KCTD15: variants seen among roughly 807,000 people sequenced by gnomAD.
KCTD15 encodes the protein potassium channel tetramerization domain containing 15.
KCTD15 carries 11 observed loss-of-function variants against 27.2 expected under a neutral mutation model. The observed-to-expected ratio is 0.41, with a 90% CI of 0.25 to 0.67. The LOEUF is 0.67. KCTD15 is among the 30% of genes least tolerant of loss of function. The pLI is 0.35. For synonymous variants in KCTD15, 163 were observed against 176.0 expected (o/e 0.93, Z 0.58); for missense variants, 350 against 409.3 (o/e 0.86, Z 1.25).
rs1480821880 is a variant in KCTD15, at chr19:33,815,733, A to G, written c.*2785A>G. On this transcript the variant is annotated 3_prime_UTR_variant, in exon 7 of 7. Coordinates refer to ENST00000683859, the MANE Select transcript of KCTD15 (RefSeq NM_001129994.2). The stretch of plus-strand genomic sequence containing the variant: ...TAAAGCTACTGCTTGACTGTTCCTT[A>G]GAATAAATAAAGGATATTTTATAAA... The G allele has an allele frequency of 6.6e-6, 1 of 151,594 alleles. No individual in the cohort carries two copies. The highest frequency in any genetic ancestry group is 1.5e-5 in the Non-Finnish European group (1 of 67,930). The allele number at this position is 151,594 out of a possible 1,614,324, so 9.4% of individuals were successfully genotyped here.
At chr19:33,803,950 C>T (rs1975638168) in intron 4 of KCTD15, among the ~76,000 whole-genome samples, 2 of 152,208 alleles carry the variant, frequency 1.3e-5, no homozygotes, top group Admixed American at 1.3e-4. Context: ...CTGAGGGTCC[C>T]ACCTGCTGCA....
rs867402667 is a variant in KCTD15, at chr19:33,810,665, A to T, written c.388-582A>T. On this transcript the variant is annotated intron_variant, in intron 5 of 6. Transcript: ENST00000683859. Reference sequence around the variant, plus strand: ...GGGTGACAGAGAGAGTCTGTCTCAAAAAACAAAAACAAAAAAAAAAAACAA... The same window carrying T: ...GGGTGACAGAGAGAGTCTGTCTCAATAAACAAAAACAAAAAAAAAAAACAA... 1.1e-3 allele frequency among the ~76,000 whole-genome samples: 155 copies of T among 141,958 alleles called. 3 individuals are homozygous for T. Among genetic ancestry groups the T allele is most frequent in the South Asian group, 8.1e-3 (37 of 4,558 alleles). 93.1% of individuals were successfully genotyped at this position (141,958 alleles called of 152,430 possible).
chr19:33,811,609 C>T, intron 6 of KCTD15, 57 bp downstream of exon 6: 1 of 1,564,070 alleles, frequency 6.4e-7, no homozygotes, highest in Non-Finnish European at 8.7e-7. Context: ...CGGAGCCCTC[C>T]AGGGGCAGAG....
rs1394944166 is a variant in KCTD15 at position 33,815,519 on chromosome 19, GATT to G, written c.*2574_*2576del. On this transcript the variant is annotated 3_prime_UTR_variant, in exon 7 of 7. Transcript: ENST00000683859. Reference sequence around the variant, plus strand: ...GTAAACCTCAAAACTCATTATTCTTGATTATAAGCAACTGGACAGAACCATGCC... The same window carrying G: ...GTAAACCTCAAAACTCATTATTCTTGATAAGCAACTGGACAGAACCATGCC... The G allele has an allele frequency of 6.6e-6, 1 of 151,950 alleles. No homozygotes were observed. Among genetic ancestry groups the G allele is most frequent in the East Asian group, 1.9e-4 (1 of 5,176 alleles). The allele number at this position is 151,950 out of a possible 1,614,324, so 9.4% of individuals were successfully genotyped here. A position where few individuals can be genotyped will look rare whatever the true frequency, so the allele number is the denominator to read the frequency against.
chr19:33,797,514 G>T, intron 1 of KCTD15: 2 of 386,840 alleles, frequency 5.2e-6, no homozygotes, highest in South Asian at 3.6e-5. Flanking sequence ...AGGAGGGGCT[G>T]TCGCGCTGGT....
chr19:33,800,481 C>T lies in KCTD15; in HGVS notation c.27C>T (p.Ser9=), dbSNP rs763361787. The T allele has an allele frequency of 1.5e-5, 24 of 1,604,858 alleles. No homozygotes were observed. The Admixed American group carries it at 2.2e-4, about 15-fold the overall frequency. Reference sequence around the variant, plus strand: ...TGCCTCACCGCAAGGAGCGGCCGAGCGGGTCCTCGCTTCACACACACGGCA... The same window carrying T: ...TGCCTCACCGCAAGGAGCGGCCGAGTGGGTCCTCGCTTCACACACACGGCA... The part of the protein sequence containing the change: MPHRKERP[S]GSSLHTHGST... Residue 9 remains serine, a synonymous_variant, in exon 3 of 7, where the codon AGC becomes AGT. Transcript: ENST00000683859.
chr19:33,813,483 G>A lies in KCTD15; in HGVS notation c.*535G>A, dbSNP rs1457769820. The A allele has an allele frequency of 2.3e-6, 1 of 438,528 alleles. No homozygotes were observed. The highest frequency in any genetic ancestry group is 4.6e-6 in the Non-Finnish European group (1 of 218,744). 27.2% of individuals were successfully genotyped at this position (438,528 alleles called of 1,614,324 possible). On this transcript the variant is annotated 3_prime_UTR_variant, in exon 7 of 7. Transcript: ENST00000683859. The stretch of plus-strand genomic sequence containing the variant: ...TGCAGCATGGCTGCAGGGTGGACCA[G>A]CTGCCTGGCATTCAGGCCCAGATGC...
At chr19:33,797,299 CGCGCTTGTGG>C (rs1975366095) in intron 1 of KCTD15, 1 of 364,854 alleles carries the variant, frequency 2.7e-6, no homozygotes, top group Non-Finnish European at 5.5e-6. Flanking sequence ...CGCGCGCGCG[CGCGCTTGTGG>C]AGGTCCCCGC....
chr19:33,800,342 G>T, intron 2 of KCTD15, 86 bp from the exon 3 acceptor site: 1 of 1,126,992 alleles, frequency 8.9e-7, no homozygotes, highest in East Asian at 2.6e-5. Flanking sequence ...AGAGCATGCA[G>T]AAAGGACAAT....
In KCTD15 at chr19:33,800,382, A is replaced by T; in HGVS notation, c.-27-46A>T. 2.1e-6 allele frequency: 3 copies of T among 1,441,674 alleles called. No individual in the cohort carries two copies. In the South Asian group the frequency reaches 3.7e-5, roughly 18 times the overall value. The allele number at this position is 1,441,674 out of a possible 1,614,324, so 89.3% of individuals were successfully genotyped here. A position where few individuals can be genotyped will look rare whatever the true frequency, so the allele number is the denominator to read the frequency against. ...AGTGTCTTTGACCCCATGGTACATG[A>T]CTAGGAGGAATAAGCCTTCTCTGGT... On this transcript the variant is annotated intron_variant, in intron 2 of 6. Transcript: ENST00000683859.
chr19:33,795,695 G>A (rs1975298716), upstream of KCTD15, among the ~76,000 whole-genome samples: 1 of 152,134 alleles, frequency 6.6e-6, no homozygotes, highest in South Asian at 2.1e-4. Flanking sequence ...GAAGAGGAAG[G>A]GGAGGAGGAG....
At chr19:33,795,771 G>A (rs1320922263), upstream of KCTD15, among the ~76,000 whole-genome samples, 1 of 151,500 alleles carries the variant, frequency 6.6e-6, no homozygotes, top group African/African-American at 2.4e-5. Context: ...TCCGGGGCGC[G>A]GACCTCGGCC....
chr19:33,799,011 G>T (rs1265741683), intron 2 of KCTD15, among the ~76,000 whole-genome samples: 6 of 152,182 alleles, frequency 3.9e-5, no homozygotes, highest in Admixed American at 2.6e-4. Flanking sequence ...TCCTAGGGCA[G>T]GATAATCCAT....
At chr19:33,795,405 C>A (rs1394196260), upstream of KCTD15, among the ~76,000 whole-genome samples, 3 of 152,080 alleles carry the variant, frequency 2.0e-5, no homozygotes, top group Admixed American at 6.5e-5. Flanking sequence ...CACCCCGAGT[C>A]CCCCTCACCC....
intron 2 of KCTD15, among the ~76,000 whole-genome samples, chr19:33,799,145 G>A (rs1975447830): frequency 6.6e-6 from 1 of 152,072 alleles, no homozygotes; most frequent in Non-Finnish European, 1.5e-5. Context: ...CCCAGTGAGG[G>A]TATATATTAA....
intron 5 of KCTD15, 132 bp from the exon 6 acceptor site, chr19:33,811,115 A>G: frequency 2.7e-6 from 2 of 748,044 alleles, no homozygotes; most frequent in Non-Finnish European, 4.2e-6. Flanking sequence ...CAACCGGCCC[A>G]GTCCACACAA....
chr19:33,812,804 G>T lies in KCTD15; in HGVS notation c.708G>T (p.Leu236=). 1 of 1,490,538 alleles carries T rather than the reference G, an allele frequency of 6.7e-7. No individual in the cohort carries two copies. Among genetic ancestry groups the T allele is most frequent in the Non-Finnish European group, 9.0e-7 (1 of 1,115,788 alleles). The allele number at this position is 1,490,538 out of a possible 1,614,324, so 92.3% of individuals were successfully genotyped here. A position where few individuals can be genotyped will look rare whatever the true frequency, so the allele number is the denominator to read the frequency against. Residue 236 remains leucine, a synonymous_variant, in exon 7 of 7, where the codon CTG becomes CTT. Coordinates refer to ENST00000683859, the MANE Select transcript of KCTD15 (RefSeq NM_001129994.2). ...TTCCTGGGCAGGTCCTGGAGCGGCT[G>T]TTCCAGAGGGGTTTCAGCGTGGCTG... ...RLNSVQVLER[L]FQRGFSVAAS...
At chr19:33,801,095 A>G in intron 3 of KCTD15, 72 bp from the exon 4 acceptor site, 1 of 1,399,690 alleles carries the variant, frequency 7.1e-7, no homozygotes, top group East Asian at 2.3e-5. Context: ...AAGGGAGTGC[A>G]TGGCTGTGTT....
At chr19:33,804,670 G>T (rs1975659912) in intron 4 of KCTD15, among the ~76,000 whole-genome samples, 1 of 152,216 alleles carries the variant, frequency 6.6e-6, no homozygotes, top group African/African-American at 2.4e-5. Context: ...CCCTCACTCT[G>T]ACATCTGGAT....
Sources: allele counts gnomAD v4.1 joint callset (sites outside exome capture counted in the v4.1 genomes callset), GRCh38; gene constraint gnomAD v4.1.1; transcripts MANE v1.5; gene names NCBI Gene and HGNC (gene_info 2026-07-23, HGNC 2026-07-21).